The following PRKG1 variants were observed in gnomAD, a reference collection of about 807,000 sequenced individuals.
The protein encoded by PRKG1 is protein kinase cGMP-dependent 1, also known as cGMP-dependent protein kinase 1.
In PRKG1, 35 loss-of-function variants were observed where a neutral mutation model predicts 88.1. The observed-to-expected ratio is 0.40, with a 90% CI of 0.30 to 0.53. The LOEUF is 0.53. Among genes scored for constraint, PRKG1 ranks in the 20% least tolerant of loss-of-function variants. PRKG1 has a pLI of 0.59. For missense variants in PRKG1, 540 were observed against 839.8 expected, an observed-to-expected ratio of 0.64 and a Z score of 4.41; for synonymous variants, 303 against 292.5, an observed-to-expected ratio of 1.04 and a Z score of -0.37.
chr10:51,978,575 G>T (rs75585932), intron 5 of PRKG1, among the ~76,000 whole-genome samples: 16,647 of 151,572 alleles, frequency 0.11, 1,229 homozygotes, highest in East Asian at 0.32. Context: ...TCATCCTATT[G>T]ATTCTTCCTA....
upstream of PRKG1, among the ~76,000 whole-genome samples, chr10:51,070,840 G>C (rs1243608828): frequency 6.6e-6 from 1 of 152,178 alleles, no homozygotes. Context: ...TTCTATTAAA[G>C]TTATGAAAAA....
intron 5 of PRKG1, among the ~76,000 whole-genome samples, chr10:51,941,102 C>A (rs1288892267): frequency 2.0e-5 from 3 of 151,472 alleles, no homozygotes; most frequent in African/African-American, 7.3e-5. Context: ...ATTTGAGGAA[C>A]AATAAATCAA....
intron 5 of PRKG1, among the ~76,000 whole-genome samples, chr10:51,932,349 T>TA (rs1250781601): frequency 1.3e-5 from 2 of 152,172 alleles, no homozygotes; most frequent in Non-Finnish European, 2.9e-5. Flanking sequence ...AAATGTCCTT[T>TA]AATAATAACA....
chr10:51,079,778 C>T (rs1255663813), intron 1 of PRKG1, among the ~76,000 whole-genome samples: 1 of 152,028 alleles, frequency 6.6e-6, no homozygotes, highest in Non-Finnish European at 1.5e-5. Context: ...TTTCTTACCC[C>T]CACCATCACA....
chr10:51,758,665 CA>C (rs1186902134), intron 3 of PRKG1, among the ~76,000 whole-genome samples: 1 of 152,076 alleles, frequency 6.6e-6, no homozygotes, highest in Admixed American at 6.6e-5. Flanking sequence ...AATCTCTACC[CA>C]GGCCTGTGAT....
At chr10:52,003,143 T>C (rs773480876) in intron 5 of PRKG1, among the ~76,000 whole-genome samples, 5 of 152,216 alleles carry the variant, frequency 3.3e-5, no homozygotes, top group Non-Finnish European at 7.3e-5. Flanking sequence ...CAAACTACAC[T>C]GTGTACTGAG....
At chr10:52,001,157 T>A (rs976113470) in intron 5 of PRKG1, among the ~76,000 whole-genome samples, 1 of 152,048 alleles carries the variant, frequency 6.6e-6, no homozygotes, top group Non-Finnish European at 1.5e-5. Flanking sequence ...GGTTCAACCA[T>A]GTTTTTACAA....
At chr10:51,457,957 G>C (rs1366225815) in intron 2 of PRKG1, among the ~76,000 whole-genome samples, 1 of 152,096 alleles carries the variant, frequency 6.6e-6, no homozygotes, top group Non-Finnish European at 1.5e-5. Context: ...CAGGCCATTT[G>C]TATAATTGCT....
At chr10:51,004,880 A>C (rs1468808639) in intron 1 of PRKG1, among the ~76,000 whole-genome samples, 1 of 152,196 alleles carries the variant, frequency 6.6e-6, no homozygotes, top group Non-Finnish European at 1.5e-5. Flanking sequence ...TTTTCTTTTC[A>C]TCAAAATAAA....
At chr10:52,201,235 G>A (rs1051944348) in intron 9 of PRKG1, among the ~76,000 whole-genome samples, 6 of 152,206 alleles carry the variant, frequency 3.9e-5, no homozygotes, top group African/African-American at 1.4e-4. Flanking sequence ...TTTGTATATA[G>A]TATAAGGAAG....
At chr10:52,014,467 C>T (rs957119956) in intron 5 of PRKG1, among the ~76,000 whole-genome samples, 11 of 152,190 alleles carry the variant, frequency 7.2e-5, no homozygotes, top group African/African-American at 2.7e-4. Context: ...TTGTCCTCAA[C>T]ACTTGGGAAT....
chr10:51,177,549 A>G (rs1215296558), intron 2 of PRKG1, among the ~76,000 whole-genome samples: 1 of 152,186 alleles, frequency 6.6e-6, no homozygotes, highest in Non-Finnish European at 1.5e-5. Context: ...AACTAGCAGA[A>G]AACTTGACAT....
At chr10:51,682,290 A>C (rs1395001368) in intron 3 of PRKG1, among the ~76,000 whole-genome samples, 2 of 152,180 alleles carry the variant, frequency 1.3e-5, no homozygotes, top group African/African-American at 4.8e-5. Context: ...AATACGAGGA[A>C]AGTGGTACAG....
At chr10:51,733,724 G>A (rs986393045) in intron 3 of PRKG1, among the ~76,000 whole-genome samples, 2 of 152,182 alleles carry the variant, frequency 1.3e-5, no homozygotes, top group African/African-American at 2.4e-5. Context: ...GCCATAAGTG[G>A]ATATGATTGC....
intron 3 of PRKG1, among the ~76,000 whole-genome samples, chr10:51,612,784 G>T (rs923509750): frequency 6.6e-6 from 1 of 151,878 alleles, no homozygotes; most frequent in South Asian, 2.1e-4. Context: ...TTATTTTTAT[G>T]TATGTTGTTT....
chr10:51,700,219 T>C (rs1157844162), intron 3 of PRKG1, among the ~76,000 whole-genome samples: 1 of 152,186 alleles, frequency 6.6e-6, no homozygotes, highest in Non-Finnish European at 1.5e-5. Flanking sequence ...CCTGCCCCCA[T>C]TCTGTTGCTT....
In PRKG1 at chr10:51,074,796, A is replaced by T; in HGVS notation, c.206A>T (p.Gln69Leu). ...QAQKQSASTL[Q>L]GEPRTKRQAI... ...CAGAAGCAGAGCGCGAGCACCTTGC[A>T]GGGCGAGCCGCGCACCAAGCGGCAG... Residue 69 changes from glutamine to leucine, a missense_variant, in exon 1 of 18, where the codon CAG becomes CTG. Coordinates refer to ENST00000373980, the MANE Select transcript of PRKG1 (RefSeq NM_006258.4). 1.2e-6 allele frequency: 2 copies of T among 1,613,920 alleles called. No homozygotes were observed. Among genetic ancestry groups the T allele is most frequent in the Non-Finnish European group, 1.7e-6 (2 of 1,179,916 alleles).
At chr10:51,648,287 A>C (rs1373290409) in intron 3 of PRKG1, among the ~76,000 whole-genome samples, 3 of 152,198 alleles carry the variant, frequency 2.0e-5, no homozygotes, top group African/African-American at 7.2e-5. Flanking sequence ...CTCCACCGCT[A>C]TCCAAAGTAA....
rs534263769 is a variant in PRKG1, at chr10:52,175,558, C to T, written c.1076+13595C>T. Among the ~76,000 whole-genome samples the T allele has an allele frequency of 1.2e-4, 19 of 152,018 alleles. No homozygotes were observed. The South Asian group carries it at 2.7e-3, about 22-fold the overall frequency. Reference sequence around the variant, plus strand: ...TAGTCATTTTCTTTTTAGTTTTTTTCGTGGAACTTCATACTGTTCTCCATA... The same window carrying T: ...TAGTCATTTTCTTTTTAGTTTTTTTTGTGGAACTTCATACTGTTCTCCATA... On this transcript the variant is annotated intron_variant, in intron 9 of 17. Transcript: ENST00000373980.
Sources: gnomAD v4.1 joint callset for allele counts (sites outside exome capture counted in the v4.1 genomes callset) on GRCh38, gnomAD v4.1.1 for gene constraint, MANE v1.5 for transcripts, NCBI Gene and HGNC (gene_info 2026-07-23, HGNC 2026-07-21) for gene names.